ESYT2: variants seen among roughly 807,000 people sequenced by gnomAD.
ESYT2 encodes the protein extended synaptotagmin-2.
A neutral mutation model predicts 107.2 loss-of-function variants in ESYT2; 54 were observed. That is an observed-to-expected ratio of 0.50 (90% CI 0.40 to 0.63). The LOEUF is 0.63. Among genes scored for constraint, ESYT2 ranks in the 30% least tolerant of loss-of-function variants. The pLI, the probability that ESYT2 is intolerant of heterozygous loss-of-function variation, is 0.00. For synonymous variants in ESYT2, 491 were observed against 434.1 expected, an observed-to-expected ratio of 1.13 and a Z score of -1.63; for missense variants, 1,020 against 1,094.5, an observed-to-expected ratio of 0.93 and a Z score of 0.96.
chr7:158,756,257 G>A (rs983327917), intron 13 of ESYT2, among the ~76,000 whole-genome samples: 2 of 152,184 alleles, frequency 1.3e-5, no homozygotes, highest in African/African-American at 4.8e-5. Flanking sequence ...TGACTAAGAC[G>A]CTGTGGCCCC....
chr7:158,741,952 T>C, intron 17 of ESYT2, 56 bp from the exon 18 acceptor site: 1 of 1,497,900 alleles, frequency 6.7e-7, no homozygotes, highest in East Asian at 2.3e-5. Context: ...AACATCCTAA[T>C]ACTGGAACAG....
At chr7:158,752,382 G>A (rs868573044) in intron 14 of ESYT2, among the ~76,000 whole-genome samples, 23 of 152,300 alleles carry the variant, frequency 1.5e-4, no homozygotes, top group South Asian at 1.5e-3. Flanking sequence ...CATATTGGAA[G>A]AGGTGATATT....
intron 17 of ESYT2, 90 bp downstream of exon 17, chr7:158,743,439 T>A: frequency 6.6e-7 from 1 of 1,513,134 alleles, no homozygotes; most frequent in African/African-American, 1.4e-5. Context: ...AGAGCTTTCT[T>A]CACCGGCCTC....
chr7:158,828,707 CGGG>C (rs1840529484), intron 1 of ESYT2, among the ~76,000 whole-genome samples: 1 of 152,120 alleles, frequency 6.6e-6, no homozygotes, highest in Non-Finnish European at 1.5e-5. Context: ...CGGCGAGCAG[CGGG>C]CGGCGGCCCC....
At chr7:158,737,459 A>C (rs1334951975) in intron 19 of ESYT2, among the ~76,000 whole-genome samples, 2 of 152,138 alleles carry the variant, frequency 1.3e-5, no homozygotes, top group Non-Finnish European at 2.9e-5. Flanking sequence ...TGCTTGTAAC[A>C]GAGTGACGGT....
intron 9 of ESYT2, among the ~76,000 whole-genome samples, chr7:158,764,036 C>T (rs1020060662): frequency 3.9e-5 from 6 of 152,158 alleles, no homozygotes; most frequent in Admixed American, 3.3e-4. Context: ...GTATAAATCA[C>T]ACGACTGTCC....
At chr7:158,782,500 AG>A (rs1374986364) in intron 6 of ESYT2, among the ~76,000 whole-genome samples, 134 of 149,214 alleles carry the variant, frequency 9.0e-4, no homozygotes, top group South Asian at 1.5e-3. Context: ...GTGTGAAACA[AG>A]TGAGAACAAG....
chr7:158,813,901 A>T (rs1233553592), intron 1 of ESYT2, among the ~76,000 whole-genome samples: 1 of 152,140 alleles, frequency 6.6e-6, no homozygotes, highest in African/African-American at 2.4e-5. Flanking sequence ...CGTCCCGATG[A>T]CTCTCACAGA....
chr7:158,767,414 A>G (rs534976747), intron 8 of ESYT2, among the ~76,000 whole-genome samples: 1 of 152,330 alleles, frequency 6.6e-6, no homozygotes, highest in South Asian at 2.1e-4. Flanking sequence ...AGCCCCTCTG[A>G]GGAACACAGC....
chr7:158,760,520 G>A (rs1837922793), intron 11 of ESYT2, among the ~76,000 whole-genome samples: 1 of 151,934 alleles, frequency 6.6e-6, no homozygotes, highest in Non-Finnish European at 1.5e-5. Flanking sequence ...TTTTTTTTGA[G>A]ATAGGGGTCT....
At chr7:158,742,330 C>T (rs1342399660) in intron 17 of ESYT2, among the ~76,000 whole-genome samples, 2 of 152,248 alleles carry the variant, frequency 1.3e-5, no homozygotes, top group Admixed American at 6.5e-5. Flanking sequence ...TGCCACACAA[C>T]CTGGGCAGAA....
Position 158,809,494 on chromosome 7 carries a change from A to AC in ESYT2, c.331-10423_331-10422insG, listed in dbSNP as rs1447054134. Among the ~76,000 whole-genome samples the AC allele has an allele frequency of 3.2e-4, 47 of 147,942 alleles. 1 individual carries two copies. The highest frequency in any genetic ancestry group is 2.7e-4 in the Admixed American group (4 of 14,826). ...CATCTCAAAAAAAAAAAAAAAAAAAAAAACCAGGGGGGATGAGGGGGGCAA... is the reference window on the plus strand; with the variant it reads ...CATCTCAAAAAAAAAAAAAAAAAAAACAAACCAGGGGGGATGAGGGGGGCAA... On this transcript the variant is annotated intron_variant, in intron 1 of 22. Transcript: ENST00000275418.
intron 4 of ESYT2, among the ~76,000 whole-genome samples, chr7:158,792,359 A>C (rs1159803213): frequency 1.5e-5 from 2 of 133,366 alleles, no homozygotes; most frequent in Non-Finnish European, 3.1e-5. Flanking sequence ...CCCCATCTCT[A>C]CAAAAAAAAA....
At chr7:158,807,973 G>A (rs142831241) in intron 1 of ESYT2, among the ~76,000 whole-genome samples, 1,628 of 152,308 alleles carry the variant, frequency 0.011, 13 homozygotes, top group Non-Finnish European at 0.018. Flanking sequence ...GGGTAGGGCC[G>A]TCCAGCCTCT....
intron 7 of ESYT2, among the ~76,000 whole-genome samples, chr7:158,770,048 G>A (rs1391359281): frequency 3.3e-5 from 5 of 151,568 alleles, no homozygotes; most frequent in Admixed American, 6.6e-5. Flanking sequence ...GTGTGCCCAC[G>A]CCCAACTAAT....
intron 4 of ESYT2, among the ~76,000 whole-genome samples, chr7:158,789,197 G>T (rs1382668669): frequency 6.6e-6 from 1 of 152,026 alleles, no homozygotes; most frequent in African/African-American, 2.4e-5. Context: ...AAGGAATCTG[G>T]GATAAGTTTC....
intron 20 of ESYT2, 44 bp from the exon 21 acceptor site, chr7:158,735,652 G>GT (rs751015879): frequency 2.0e-6 from 3 of 1,520,748 alleles, no homozygotes; most frequent in Non-Finnish European, 2.7e-6. Context: ...TCATTCTGCT[G>GT]TATTTTCTTA....
intron 22 of ESYT2, 70 bp from the exon 23 acceptor site, chr7:158,734,322 G>C (rs911252302): frequency 6.2e-7 from 1 of 1,612,208 alleles, no homozygotes; most frequent in Non-Finnish European, 8.5e-7. Flanking sequence ...TCAGATACGT[G>C]TCGGGTTCCA....
In ESYT2 at chr7:158,745,018, C is replaced by T. The variant is rs563706972; in HGVS notation, c.1645-1340G>A. ...AAGGAAAAACCAGCTAGACAAAACACAAATCCTTTTGTATAAAACAGAATG... is the reference window on the plus strand; with the variant it reads ...AAGGAAAAACCAGCTAGACAAAACATAAATCCTTTTGTATAAAACAGAATG... On this transcript the variant is annotated intron_variant, in intron 16 of 22. Coordinates refer to ENST00000275418, the MANE Select transcript of ESYT2 (RefSeq NM_001367773.1). Among the ~76,000 whole-genome samples, 7 of 152,318 alleles carry T rather than the reference C, an allele frequency of 4.6e-5. No homozygotes were observed. The South Asian group carries it at 1.2e-3, about 27-fold the overall frequency.
Sources: gnomAD v4.1 joint callset for allele counts (sites outside exome capture counted in the v4.1 genomes callset) on GRCh38, gnomAD v4.1.1 for gene constraint, MANE v1.5 for transcripts, NCBI Gene and HGNC (gene_info 2026-07-23, HGNC 2026-07-21) for gene names.